The following PTPRB variants were observed in gnomAD, a reference collection of about 807,000 sequenced individuals.
The protein encoded by PTPRB is protein tyrosine phosphatase receptor type B.
In PTPRB, 97 loss-of-function variants were observed where a neutral mutation model predicts 238.1. That is an observed-to-expected ratio of 0.41 (90% CI 0.35 to 0.48). PTPRB has a LOEUF of 0.48. PTPRB is among the 20% of genes least tolerant of loss of function. The pLI, the probability that PTPRB is intolerant of heterozygous loss-of-function variation, is 0.30. For synonymous variants in PTPRB, 970 were observed against 995.4 expected, an observed-to-expected ratio of 0.97 and a Z score of 0.48; for missense variants, 2,292 against 2,681.9, an observed-to-expected ratio of 0.85 and a Z score of 3.21.
chr12:70,613,038 C>G (rs180800696), intron 3 of PTPRB, among the ~76,000 whole-genome samples: 37 of 152,218 alleles, frequency 2.4e-4, no homozygotes, highest in Admixed American at 5.2e-4. Flanking sequence ...AATCTTGTCA[C>G]ATTATGAACA....
intron 32 of PTPRB, among the ~76,000 whole-genome samples, chr12:70,528,578 AT>A (rs1872729271): frequency 1.3e-5 from 2 of 152,138 alleles, no homozygotes; most frequent in Non-Finnish European, 2.9e-5. Context: ...AGGAAAAGAA[AT>A]CCACTCCATT....
At position 70,583,566 on chromosome 12, in the gene PTPRB, T is replaced by C. The variant is rs17108363; in HGVS notation, c.2312-2264A>G. 2.5e-4 allele frequency among the ~76,000 whole-genome samples: 38 copies of C among 152,236 alleles called. 1 individual carries two copies. In the East Asian group the frequency reaches 7.1e-3, roughly 29 times the overall value. On this transcript the variant is annotated intron_variant, in intron 9 of 33. Coordinates refer to ENST00000334414, the MANE Select transcript of PTPRB (RefSeq NM_001109754.4). ...CTTGCATAACATTGGAAAGGCTACA[T>C]TCTAAGTATAAGTGAAATAAATAGT...
chr12:70,572,207 A>C, intron 11 of PTPRB, 120 bp from the exon 12 acceptor site: 1 of 1,069,108 alleles, frequency 9.4e-7, no homozygotes, highest in African/African-American at 1.6e-5. Flanking sequence ...ATTTAAAAGA[A>C]AAATCTTAGA....
chr12:70,539,389 A>G (rs1302077027), intron 26 of PTPRB: 10 of 560,370 alleles, frequency 1.8e-5, no homozygotes, highest in Admixed American at 1.6e-4. Flanking sequence ...CTTCCTTACT[A>G]TCTGATCCAG....
chr12:70,609,002 C>G, intron 4 of PTPRB, 67 bp downstream of exon 4: 1 of 1,530,468 alleles, frequency 6.5e-7, no homozygotes, highest in Non-Finnish European at 8.9e-7. Context: ...AAATGAAACA[C>G]CAGCTTGAAA....
intron 10 of PTPRB, 114 bp downstream of exon 10, chr12:70,580,922 T>G: frequency 1.6e-6 from 2 of 1,259,528 alleles, no homozygotes; most frequent in Non-Finnish European, 2.2e-6. Context: ...GAAACTTAGC[T>G]TTTGTAAAGG....
chr12:70,526,516 C>T (rs529916194), intron 32 of PTPRB, among the ~76,000 whole-genome samples: 105 of 152,328 alleles, frequency 6.9e-4, no homozygotes, highest in Middle Eastern at 3.4e-3. Context: ...TAGAAAAGGA[C>T]ATTTTAAACA....
chr12:70,549,445 A>G (rs749870451), intron 21 of PTPRB, among the ~76,000 whole-genome samples: 1 of 152,204 alleles, frequency 6.6e-6, no homozygotes, highest in African/African-American at 2.4e-5. Context: ...CTCTTTCCAT[A>G]TGGAACAATG....
chr12:70,596,980 T>C lies in PTPRB; in HGVS notation c.980-653A>G, dbSNP rs537596517. Among the ~76,000 whole-genome samples, 773 of 151,832 alleles carry C rather than the reference T, an allele frequency of 5.1e-3. 9 individuals are homozygous for C. The highest frequency in any genetic ancestry group is 0.018 in the African/African-American group (734 of 41,416). On this transcript the variant is annotated intron_variant, in intron 4 of 33. Transcript: ENST00000334414. ...TCACACAGGCTGGAGTGCAGTGGCG[T>C]GATCTCGGCTCACTGCAACCTCCGC...
At chr12:70,604,116 C>G (rs970607311) in intron 4 of PTPRB, among the ~76,000 whole-genome samples, 2 of 151,978 alleles carry the variant, frequency 1.3e-5, no homozygotes, top group Non-Finnish European at 1.5e-5. Flanking sequence ...TATTGGGTAC[C>G]TGTAGTCCCA....
chr12:70,593,019 C>A (rs532930120), intron 6 of PTPRB, among the ~76,000 whole-genome samples: 1 of 152,180 alleles, frequency 6.6e-6, no homozygotes, highest in African/African-American at 2.4e-5. Flanking sequence ...TATTAATATT[C>A]AATAATATTG....
At chr12:70,522,877 T>TTC (rs1474105227) in intron 33 of PTPRB, among the ~76,000 whole-genome samples, 1 of 149,178 alleles carries the variant, frequency 6.7e-6, no homozygotes, top group Non-Finnish European at 1.5e-5. Context: ...TTTTTTTTTT[T>TTC]TTTGAGATGG....
intron 14 of PTPRB, among the ~76,000 whole-genome samples, chr12:70,568,003 A>G (rs1462968368): frequency 6.6e-6 from 1 of 152,006 alleles, no homozygotes; most frequent in Non-Finnish European, 1.5e-5. Flanking sequence ...ATTCTAGTAT[A>G]CTAAAAAAGG....
rs1565966995 is a variant in PTPRB at position 70,576,664 on chromosome 12, G to GC, written c.2579-20_2579-19insG. On this transcript the variant is annotated intron_variant, in intron 10 of 33. Coordinates refer to ENST00000334414, the MANE Select transcript of PTPRB (RefSeq NM_001109754.4). ...GAAGGGACTGTGATTTTGAAAGGTG[G>GC]GGGGCGGGGGGGGGGGGGAAGGGGG... The GC allele has an allele frequency of 7.9e-5, 23 of 291,038 alleles. No individual in the cohort carries two copies. In the African/African-American group the frequency reaches 8.5e-4, roughly 11 times the overall value. 18.0% of individuals were successfully genotyped at this position (291,038 alleles called of 1,614,324 possible).
chr12:70,543,979 A>G (rs1875569338), intron 22 of PTPRB, among the ~76,000 whole-genome samples: 1 of 152,204 alleles, frequency 6.6e-6, no homozygotes, highest in African/African-American at 2.4e-5. Context: ...TGAACAGTAA[A>G]TACTAGCCAC....
intron 4 of PTPRB, 177 bp downstream of exon 4, chr12:70,608,892 C>T (rs1194727187): frequency 1.1e-6 from 1 of 920,810 alleles, no homozygotes; most frequent in African/African-American, 1.7e-5. Flanking sequence ...TCTGAAAGTC[C>T]ACCAAGCTGC....
chr12:70,519,425 G>C lies in PTPRB; in HGVS notation c.*2064C>G, dbSNP rs1565891161. 6.6e-6 allele frequency: 1 copy of C among 152,108 alleles called. No homozygotes were observed. Among genetic ancestry groups the C allele is most frequent in the Non-Finnish European group, 1.5e-5 (1 of 68,020 alleles). 9.4% of individuals were successfully genotyped at this position (152,108 alleles called of 1,614,324 possible). ...GGCTGTCTTTTAAGCTCAATTGAAG[G>C]TAGTAACAACAATCCTAACTTTATG... On this transcript the variant is annotated 3_prime_UTR_variant, in exon 34 of 34. Coordinates refer to ENST00000334414, the MANE Select transcript of PTPRB (RefSeq NM_001109754.4).
intron 33 of PTPRB, among the ~76,000 whole-genome samples, chr12:70,524,002 G>C (rs1871972266): frequency 6.6e-6 from 1 of 151,776 alleles, no homozygotes; most frequent in African/African-American, 2.4e-5. Flanking sequence ...GTAGAGATGG[G>C]GTTTCATCAT....
At chr12:70,547,837 G>T (rs1213842593) in intron 21 of PTPRB, among the ~76,000 whole-genome samples, 3 of 151,974 alleles carry the variant, frequency 2.0e-5, no homozygotes, top group Non-Finnish European at 2.9e-5. Flanking sequence ...GTTTCTGTTT[G>T]ATCATGTTCA....
Sources: gnomAD v4.1 joint callset for allele counts (sites outside exome capture counted in the v4.1 genomes callset) on GRCh38, gnomAD v4.1.1 for gene constraint, MANE v1.5 for transcripts, NCBI Gene and HGNC (gene_info 2026-07-23, HGNC 2026-07-21) for gene names.